Variants in MICU2 observed in about 807,000 individuals in gnomAD.
MICU2 encodes the protein calcium uptake protein 2, mitochondrial.
MICU2 carries 64 observed loss-of-function variants against 60.4 expected under a neutral mutation model. The ratio of observed to expected loss-of-function variants is 1.06; its 90% CI spans 0.87 to 1.31. MICU2 has a LOEUF of 1.31. Among genes scored for constraint, MICU2 ranks in the 50% most tolerant of loss-of-function variants. The pLI, the probability that MICU2 is intolerant of heterozygous loss-of-function variation, is 0.00. For missense variants in MICU2, 569 were observed against 531.0 expected (o/e 1.07, Z -0.70); for synonymous variants, 201 against 175.0 (o/e 1.15, Z -1.17).
At chr13:21,503,365 CT>C (rs1886225374) in intron 8 of MICU2, among the ~76,000 whole-genome samples, 1 of 152,050 alleles carries the variant, frequency 6.6e-6, no homozygotes, top group Non-Finnish European at 1.5e-5. Flanking sequence ...TCTGATAAAC[CT>C]AAAGACTTAA....
intron 2 of MICU2, among the ~76,000 whole-genome samples, chr13:21,539,893 C>T (rs1371401981): frequency 6.6e-6 from 1 of 152,174 alleles, no homozygotes; most frequent in African/African-American, 2.4e-5. Flanking sequence ...TACAGTTTTT[C>T]ACAAGATCCA....
At chr13:21,590,543 T>C (rs761264864) in intron 1 of MICU2, among the ~76,000 whole-genome samples, 12 of 152,244 alleles carry the variant, frequency 7.9e-5, no homozygotes, top group Admixed American at 6.5e-5. Flanking sequence ...TTCCTATTCT[T>C]ATTCTTCACA....
At chr13:21,523,168 A>ATT (rs1001565636) in intron 4 of MICU2, among the ~76,000 whole-genome samples, 1 of 152,176 alleles carries the variant, frequency 6.6e-6, no homozygotes, top group African/African-American at 2.4e-5. Context: ...TGTGGACTGA[A>ATT]TTACACCATC....
intron 1 of MICU2, among the ~76,000 whole-genome samples, chr13:21,599,355 G>C (rs1220595939): frequency 2.0e-5 from 3 of 152,202 alleles, no homozygotes; most frequent in African/African-American, 7.2e-5. Context: ...TTTTATAGCA[G>C]AATGGACTGG....
In MICU2 at chr13:21,514,413, C is replaced by T. The variant is rs757842784; in HGVS notation, c.603G>A (p.Gln201=). 8.1e-6 allele frequency: 13 copies of T among 1,612,784 alleles called. No homozygotes were observed. In the South Asian group the frequency reaches 1.2e-4, roughly 15 times the overall value. Reference sequence around the variant, plus strand: ...AGTCATCTTGTTTACTTATGATCTTCTGCAGCTAAAAAGATTACAAACATG... The same window carrying T: ...AGTCATCTTGTTTACTTATGATCTTTTGCAGCTAAAAAGATTACAAACATG... ...MIEKREFFKL[Q]KIISKQDDLM... Residue 201 remains glutamine (Q), a synonymous_variant, in exon 7 of 12, where the codon CAG becomes CAA. Coordinates refer to ENST00000382374, the MANE Select transcript of MICU2 (RefSeq NM_152726.3).
chr13:21,505,936 T>C (rs1886281515), intron 8 of MICU2, among the ~76,000 whole-genome samples: 1 of 152,142 alleles, frequency 6.6e-6, no homozygotes, highest in East Asian at 1.9e-4. Flanking sequence ...AAAGACGCCA[T>C]GCACCATGTA....
intron 4 of MICU2, among the ~76,000 whole-genome samples, chr13:21,523,021 T>G (rs1285767877): frequency 6.6e-6 from 1 of 152,188 alleles, no homozygotes; most frequent in African/African-American, 2.4e-5. Flanking sequence ...GTGGGCATTA[T>G]CCACTCTGTT....
chr13:21,603,223 C>T (rs987452317), intron 1 of MICU2, among the ~76,000 whole-genome samples: 3 of 152,164 alleles, frequency 2.0e-5, no homozygotes, highest in African/African-American at 7.2e-5. Flanking sequence ...CCACCCGCCT[C>T]GGCCTCCCAA....
chr13:21,531,016 G>A (rs1249462776), intron 4 of MICU2: 6 of 830,474 alleles, frequency 7.2e-6, no homozygotes, highest in East Asian at 2.4e-5. Context: ...GAAAGTGCCT[G>A]CAACTATTTG....
chr13:21,574,005 A>G (rs932320399), intron 1 of MICU2, among the ~76,000 whole-genome samples: 2 of 152,224 alleles, frequency 1.3e-5, no homozygotes, highest in African/African-American at 2.4e-5. Flanking sequence ...TGCTTCTACA[A>G]ACCTACTCGG....
At chr13:21,594,321 C>T (rs1203458525) in intron 1 of MICU2, among the ~76,000 whole-genome samples, 3 of 152,094 alleles carry the variant, frequency 2.0e-5, no homozygotes, top group Non-Finnish European at 4.4e-5. Context: ...AAATCAAAAC[C>T]ACAATGAGAT....
At chr13:21,582,049 T>A (rs1224267528) in intron 1 of MICU2, among the ~76,000 whole-genome samples, 1 of 152,224 alleles carries the variant, frequency 6.6e-6, no homozygotes, top group East Asian at 1.9e-4. Context: ...CCCTGCTCTA[T>A]ATAAGTAAGT....
chr13:21,603,949 A>C lies in MICU2; in HGVS notation c.200T>G (p.Val67Gly). ...SVAARDGSFT[V>G]SAQKNVEHGI... is the part of the protein sequence containing the mutation. ...GAGTTAGTCCTGTACCTGTGCGGAG[A>C]CTGTAAAACTGCCATCCCGCGCCGC... is the stretch of plus-strand genomic sequence containing the variant. Residue 67 changes from valine (V) to glycine (G), a missense_variant, in exon 1 of 12, where the codon GTC (valine) becomes GGC (glycine). Physicochemically the swap from Val to Gly is moderately radical, Grantham distance 109. Coordinates refer to ENST00000382374, the MANE Select transcript of MICU2 (RefSeq NM_152726.3). 6.2e-7 allele frequency: 1 copy of C among 1,612,456 alleles called. No individual in the cohort carries two copies. The highest frequency in any genetic ancestry group is 8.5e-7 in the Non-Finnish European group (1 of 1,179,602).
chr13:21,599,860 A>C (rs145919322), intron 1 of MICU2, among the ~76,000 whole-genome samples: 1 of 152,350 alleles, frequency 6.6e-6, no homozygotes, highest in African/African-American at 2.4e-5. Context: ...TTTCATTTTG[A>C]AGAAGTGATA....
chr13:21,525,342 A>C (rs1437011381), intron 4 of MICU2, among the ~76,000 whole-genome samples: 2 of 151,086 alleles, frequency 1.3e-5, no homozygotes, highest in Non-Finnish European at 3.0e-5. Context: ...ACAGGCGCCC[A>C]CCACCACGCC....
At chr13:21,584,797 A>T (rs563713873) in intron 1 of MICU2, among the ~76,000 whole-genome samples, 8 of 152,232 alleles carry the variant, frequency 5.3e-5, no homozygotes, top group Non-Finnish European at 1.2e-4. Context: ...TAAAACATTT[A>T]AATTCATATA....
chr13:21,574,366 T>C (rs1388868465), intron 1 of MICU2, among the ~76,000 whole-genome samples: 1 of 152,246 alleles, frequency 6.6e-6, no homozygotes, highest in Non-Finnish European at 1.5e-5. Context: ...TCTAGTTATA[T>C]ATAAAATGCT....
At chr13:21,576,630 C>T (rs188374510) in intron 1 of MICU2, among the ~76,000 whole-genome samples, 14 of 152,186 alleles carry the variant, frequency 9.2e-5, no homozygotes, top group Admixed American at 3.9e-4. Context: ...TTGCCCTGCT[C>T]CCCCATTTTC....
chr13:21,566,167 C>A (rs1359411667), intron 2 of MICU2, among the ~76,000 whole-genome samples: 2 of 152,142 alleles, frequency 1.3e-5, no homozygotes, highest in Non-Finnish European at 2.9e-5. Flanking sequence ...TGACTGCTCA[C>A]CTTGCTCTCA....
Sources: gnomAD v4.1 joint callset for allele counts (sites outside exome capture counted in the v4.1 genomes callset) on GRCh38, gnomAD v4.1.1 for gene constraint, MANE v1.5 for transcripts, NCBI Gene and HGNC (gene_info 2026-07-23, HGNC 2026-07-21) for gene names.